Variants in GET1 observed in about 807,000 individuals in gnomAD.
The protein encoded by GET1 is guided entry of tail-anchored proteins factor 1.
GET1 carries 20 observed loss-of-function variants against 22.6 expected under a neutral mutation model. The observed-to-expected ratio is 0.89, with a 90% CI of 0.62 to 1.29. The LOEUF (loss-of-function observed/expected upper bound fraction) is 1.29. Among genes scored for constraint, GET1 ranks in the 50% most tolerant of loss-of-function variants. The pLI, the probability that GET1 is intolerant of heterozygous loss-of-function variation, is 0.00. For missense variants in GET1, 209 were observed against 219.9 expected, an observed-to-expected ratio of 0.95 and a Z score of 0.31; for synonymous variants, 92 against 83.8, an observed-to-expected ratio of 1.10 and a Z score of -0.53.
chr21:39,422,921 C>A (rs552769824), intron 1 of GET1: 11 of 1,513,240 alleles, frequency 7.3e-6, no homozygotes, highest in Non-Finnish European at 9.9e-6. Flanking sequence ...TTAATTCACA[C>A]CCTCTCTCTA....
chr21:39,428,067 T>C, intron 1 of GET1: 1 of 688,338 alleles, frequency 1.5e-6, no homozygotes, highest in Non-Finnish European at 2.6e-6. Flanking sequence ...ATTTACAATA[T>C]GGGAAAACAA....
intron 1 of GET1, chr21:39,422,333 C>G (rs1269061868): frequency 1.3e-5 from 2 of 152,250 alleles, no homozygotes; most frequent in East Asian, 1.9e-4. Context: ...ATATCAATGC[C>G]TTCTCCCAAG....
chr21:39,423,176 G>C, intron 1 of GET1: 1 of 1,613,150 alleles, frequency 6.2e-7, no homozygotes, highest in Non-Finnish European at 8.5e-7. Context: ...TTCCTAAGTA[G>C]TTGCCTTAAA....
chr21:39,420,588 G>T, intron 1 of GET1: 1 of 678,304 alleles, frequency 1.5e-6, no homozygotes, highest in Non-Finnish European at 2.3e-6. Flanking sequence ...ACAAAGGGTA[G>T]AGGAGCCTTA....
At chr21:39,411,014 G>C (rs1260522083), downstream of GET1, 3 of 447,464 alleles carry the variant, frequency 6.7e-6, no homozygotes, top group Admixed American at 5.0e-5. Flanking sequence ...ACGTGCTCTT[G>C]AAGAAAAGAA....
chr21:39,385,969 C>G (rs763582125), intron 1 of GET1: 11 of 152,306 alleles, frequency 7.2e-5, no homozygotes, highest in Non-Finnish European at 1.6e-4. Flanking sequence ...ACGCACTGCG[C>G]AGGCGCCCCA....
At chr21:39,418,001 C>T (rs745785965) in intron 1 of GET1, among the ~76,000 whole-genome samples, 9 of 152,104 alleles carry the variant, frequency 5.9e-5, no homozygotes, top group Non-Finnish European at 1.2e-4. Context: ...CTCCTGACCT[C>T]GTGATCCACC....
chr21:39,391,268 G>T lies in GET1; in HGVS notation c.268+405G>T, dbSNP rs557433953. On this transcript the variant is annotated intron_variant, in intron 2 of 4. Transcript: ENST00000649170. ...GTCCTCTTCTGAGTGTCACCTCCCG[G>T]GTCCAGTGTCCTGTGATGAAGAGCG... 2.2e-4 allele frequency: 47 copies of T among 217,268 alleles called. 1 individual carries two copies. In the South Asian group the frequency reaches 2.9e-3, roughly 13 times the overall value. 13.5% of individuals were successfully genotyped at this position (217,268 alleles called of 1,614,324 possible). A position where few individuals can be genotyped will look rare whatever the true frequency, so the allele number is the denominator to read the frequency against.
At chr21:39,420,244 A>G (rs1296471975) in intron 1 of GET1, among the ~76,000 whole-genome samples, 3 of 152,242 alleles carry the variant, frequency 2.0e-5, no homozygotes, top group East Asian at 3.9e-4. Flanking sequence ...AATTTAGGCC[A>G]GGTGCGGTGG....
intron 1 of GET1, among the ~76,000 whole-genome samples, chr21:39,389,958 AACAG>A (rs1304945515): frequency 6.6e-6 from 1 of 152,250 alleles, no homozygotes; most frequent in African/African-American, 2.4e-5. Flanking sequence ...TTTATAGTGA[AACAG>A]ACAAACATTT....
intron 3 of GET1, among the ~76,000 whole-genome samples, chr21:39,392,231 C>G (rs1293121063): frequency 6.6e-6 from 1 of 152,166 alleles, no homozygotes; most frequent in Non-Finnish European, 1.5e-5. Context: ...ACGCTCTCCA[C>G]CCTCCAGGTA....
chr21:39,388,954 CTTTG>C (rs1353314303), intron 1 of GET1, among the ~76,000 whole-genome samples: 3 of 152,190 alleles, frequency 2.0e-5, no homozygotes, highest in African/African-American at 4.8e-5. Flanking sequence ...GAGCGTGCTT[CTTTG>C]TTTATGTCTG....
At chr21:39,382,975 G>T (rs1413524053) in intron 1 of GET1, among the ~76,000 whole-genome samples, 2 of 151,586 alleles carry the variant, frequency 1.3e-5, no homozygotes, top group African/African-American at 4.8e-5. Context: ...TTTTGAGATG[G>T]AGTCTTGCTC....
intron 4 of GET1, among the ~76,000 whole-genome samples, chr21:39,404,834 T>C (rs2038957541): frequency 7.2e-6 from 1 of 139,598 alleles, no homozygotes; most frequent in Non-Finnish European, 1.5e-5. Flanking sequence ...CATATATGTA[T>C]TTTTTTTTTT....
intron 1 of GET1, 131 bp downstream of exon 1, chr21:39,380,617 T>A: frequency 6.8e-7 from 1 of 1,465,316 alleles, no homozygotes; most frequent in Non-Finnish European, 9.0e-7. Context: ...GTCCGTAAGC[T>A]TTTTTGAGAT....
chr21:39,404,221 G>C (rs747034168), intron 4 of GET1, among the ~76,000 whole-genome samples: 3 of 152,190 alleles, frequency 2.0e-5, no homozygotes, highest in Non-Finnish European at 4.4e-5. Flanking sequence ...AATATCCTAA[G>C]TTTAGTAAAT....
intron 1 of GET1, among the ~76,000 whole-genome samples, chr21:39,419,478 T>G (rs978321841): frequency 6.9e-6 from 1 of 145,012 alleles, no homozygotes; most frequent in East Asian, 2.0e-4. Flanking sequence ...TGAGCCAGGA[T>G]GGTGCCACCG....
intron 1 of GET1, among the ~76,000 whole-genome samples, chr21:39,425,503 T>G (rs995311367): frequency 3.3e-5 from 5 of 152,176 alleles, no homozygotes; most frequent in African/African-American, 1.2e-4. Context: ...ATTAAGTATT[T>G]TAGAATAGGC....
At chr21:39,411,729 TC>T (rs2040116691) in intron 1 of GET1, 1 of 1,497,774 alleles carries the variant, frequency 6.7e-7, no homozygotes, top group African/African-American at 1.4e-5. Context: ...TTTTGGATAG[TC>T]CTCTGTGTCA....
Sources: gnomAD v4.1 joint callset for allele counts (sites outside exome capture counted in the v4.1 genomes callset) on GRCh38, gnomAD v4.1.1 for gene constraint, MANE v1.5 for transcripts, NCBI Gene and HGNC (gene_info 2026-07-23, HGNC 2026-07-21) for gene names.